The following WWP2 variants were observed in gnomAD, a reference collection of about 807,000 sequenced individuals.
The protein encoded by WWP2 is NEDD4-like E3 ubiquitin-protein ligase WWP2.
In WWP2, 57 loss-of-function variants were observed where a neutral mutation model predicts 121.0. That is an observed-to-expected ratio of 0.47 (90% confidence interval 0.38 to 0.59). WWP2 has a LOEUF of 0.59. Ranked by LOEUF, WWP2 falls within the 20% of genes least tolerant of loss-of-function variation. The pLI is 0.00. For missense variants in WWP2, 962 were observed against 1,158.9 expected (o/e 0.83, Z 2.47); for synonymous variants, 449 against 441.3 (o/e 1.02, Z -0.22).
chr16:69,777,080 C>T (rs1217328345), intron 1 of WWP2, among the ~76,000 whole-genome samples: 1 of 146,832 alleles, frequency 6.8e-6, no homozygotes, highest in Non-Finnish European at 1.5e-5. Flanking sequence ...TATTTTAAAA[C>T]AGTATATGGA....
At chr16:69,898,252 T>C (rs1177743798) in intron 8 of WWP2, among the ~76,000 whole-genome samples, 1 of 152,094 alleles carries the variant, frequency 6.6e-6, no homozygotes, top group African/African-American at 2.4e-5. Flanking sequence ...GGTCTCAAAT[T>C]CCCAACCTCA....
intron 6 of WWP2, among the ~76,000 whole-genome samples, chr16:69,852,972 TG>T (rs79015278): frequency 0.16 from 24,072 of 152,176 alleles, 2,231 homozygotes; most frequent in East Asian, 0.4. Context: ...TGCCAGTCCC[TG>T]GCTGTAGGAG....
Position 69,937,032 on chromosome 16 carries a change from G to A in WWP2, c.2118-86G>A, listed in dbSNP as rs919763425. 1.3e-6 allele frequency: 2 copies of A among 1,530,072 alleles called. No individual in the cohort carries two copies. The highest frequency in any genetic ancestry group is 1.8e-6 in the Non-Finnish European group (2 of 1,135,796). The allele number at this position is 1,530,072 out of a possible 1,614,324, so 94.8% of individuals were successfully genotyped here. A position where few individuals can be genotyped will look rare whatever the true frequency, so the allele number is the denominator to read the frequency against. On this transcript the variant is annotated intron_variant, in intron 19 of 23. Transcript: ENST00000359154. This position sits in a 1 kb window ranked among gnomAD's most constrained non-coding sequence, Gnocchi z 6.6. ...TGGGCTCTGCTGATCTGGTGGTCCT[G>A]CGCGGTAACGGCCACGCGGCCTGGC...
At chr16:69,866,262 G>A (rs2057520797) in intron 6 of WWP2, among the ~76,000 whole-genome samples, 1 of 148,646 alleles carries the variant, frequency 6.7e-6, no homozygotes, top group Non-Finnish European at 1.5e-5. Flanking sequence ...TTAAAAAAAG[G>A]TTTCACATTT....
intron 8 of WWP2, among the ~76,000 whole-genome samples, chr16:69,894,201 G>A (rs1040523145): frequency 2.0e-5 from 3 of 151,242 alleles, no homozygotes; most frequent in Non-Finnish European, 2.9e-5. Flanking sequence ...TCGGCCTCCC[G>A]AGTAGCTGGG....
chr16:69,886,277 C>G (rs549737371), intron 7 of WWP2, among the ~76,000 whole-genome samples: 3 of 152,140 alleles, frequency 2.0e-5, no homozygotes, highest in African/African-American at 4.8e-5. Context: ...GATGAGTCCT[C>G]GCTAGGTTGC....
intron 6 of WWP2, among the ~76,000 whole-genome samples, chr16:69,848,987 T>C (rs1418537690): frequency 6.6e-6 from 1 of 152,256 alleles, no homozygotes; most frequent in Non-Finnish European, 1.5e-5. Flanking sequence ...ACATATCAGA[T>C]TTATTGGCTC....
At chr16:69,812,161 C>T (rs932974976) in intron 4 of WWP2, among the ~76,000 whole-genome samples, 1 of 108,470 alleles carries the variant, frequency 9.2e-6, no homozygotes. Context: ...GAGTACAGAC[C>T]TTTTTTTTTT....
chr16:69,762,708 G>A (rs182857354), intron 1 of WWP2, among the ~76,000 whole-genome samples: 24 of 152,322 alleles, frequency 1.6e-4, no homozygotes, highest in African/African-American at 5.1e-4. Flanking sequence ...GGAGAGGAGC[G>A]ATCTTTGTGG....
chr16:69,857,655 CTTT>C (rs1166811815), intron 6 of WWP2, among the ~76,000 whole-genome samples: 4 of 71,932 alleles, frequency 5.6e-5, no homozygotes, highest in Admixed American at 1.9e-4. Context: ...AAGGTCAACT[CTTT>C]TTTTTTTTTT....
chr16:69,765,857 T>G (rs1003135343), intron 1 of WWP2, among the ~76,000 whole-genome samples: 1 of 151,692 alleles, frequency 6.6e-6, no homozygotes, highest in East Asian at 1.9e-4. Flanking sequence ...GGGGCGGGGG[T>G]TCTCACTTTT....
chr16:69,933,457 A>G (rs1192877442), intron 16 of WWP2, among the ~76,000 whole-genome samples: 4 of 152,182 alleles, frequency 2.6e-5, no homozygotes, highest in Admixed American at 2.6e-4. Flanking sequence ...GGCAGCATGG[A>G]TTACATTGTC....
intron 6 of WWP2, among the ~76,000 whole-genome samples, chr16:69,848,115 C>T (rs1206921182): frequency 6.6e-6 from 1 of 152,110 alleles, no homozygotes; most frequent in Non-Finnish European, 1.5e-5. Flanking sequence ...TAAAATTTTT[C>T]ATTAATAGGG....
intron 1 of WWP2, among the ~76,000 whole-genome samples, chr16:69,781,460 C>T (rs1223138001): frequency 6.6e-6 from 1 of 152,182 alleles, no homozygotes; most frequent in Non-Finnish European, 1.5e-5. Flanking sequence ...ATCCTCCCAA[C>T]TCTGTGGTCC....
At chr16:69,877,468 C>T (rs1232542667) in intron 7 of WWP2, among the ~76,000 whole-genome samples, 3 of 152,218 alleles carry the variant, frequency 2.0e-5, no homozygotes, top group African/African-American at 7.2e-5. Context: ...CGCTTTCTCC[C>T]TATCACTTTT....
intron 6 of WWP2, among the ~76,000 whole-genome samples, chr16:69,856,377 T>C (rs2057312889): frequency 1.3e-5 from 2 of 152,214 alleles, no homozygotes; most frequent in South Asian, 2.1e-4. Context: ...GTTGTGGTGA[T>C]GGTAACACCA....
intron 4 of WWP2, among the ~76,000 whole-genome samples, chr16:69,817,702 G>T (rs2056521622): frequency 1.6e-5 from 2 of 126,018 alleles, no homozygotes; most frequent in South Asian, 2.4e-4. Context: ...ATGGAGTCTC[G>T]CTCCGTCACA....
At chr16:69,797,236 G>GTTCC (rs1203542599) in intron 2 of WWP2, among the ~76,000 whole-genome samples, 1 of 152,224 alleles carries the variant, frequency 6.6e-6, no homozygotes, top group Non-Finnish European at 1.5e-5. Flanking sequence ...GCCACATGAA[G>GTTCC]GCTATGAGCG....
intron 16 of WWP2, chr16:69,933,076 C>T (rs964915576): frequency 2.0e-6 from 1 of 502,892 alleles, no homozygotes; most frequent in Admixed American, 2.1e-5. Context: ...TGGCCGCGCC[C>T]TGTGTGTGTC....
Sources: allele counts gnomAD v4.1 joint callset (sites outside exome capture counted in the v4.1 genomes callset), GRCh38; gene constraint gnomAD v4.1.1; non-coding constraint Gnocchi (gnomAD v3.1); transcripts MANE v1.5; gene names NCBI Gene and HGNC (gene_info 2026-07-23, HGNC 2026-07-21).